The following RPGRIP1L variants were observed in gnomAD, a reference collection of about 807,000 sequenced individuals.
RPGRIP1L encodes protein fantom.
In RPGRIP1L, 131 loss-of-function variants were observed where a neutral mutation model predicts 160.4. The observed-to-expected ratio is 0.82, with a 90% confidence interval of 0.71 to 0.94. RPGRIP1L has a LOEUF of 0.94. RPGRIP1L is among the 40% of genes least tolerant of loss of function. RPGRIP1L has a pLI of 0.00. For synonymous variants in RPGRIP1L, 510 were observed against 515.8 expected (o/e 0.99, Z 0.15); for missense variants, 1,522 against 1,535.8 (o/e 0.99, Z 0.15).
At chr16:53,633,098 T>C (rs150160658) in intron 22 of RPGRIP1L, among the ~76,000 whole-genome samples, 3 of 152,346 alleles carry the variant, frequency 2.0e-5, no homozygotes, top group Non-Finnish European at 2.9e-5. Flanking sequence ...ATAACAGGCA[T>C]TCAGTAATAC....
chr16:53,619,486 C>T (rs1015861891), intron 23 of RPGRIP1L, among the ~76,000 whole-genome samples: 5 of 152,180 alleles, frequency 3.3e-5, no homozygotes, highest in African/African-American at 1.2e-4. Flanking sequence ...AGTAGTCTAT[C>T]AGGAGTGAAG....
intron 6 of RPGRIP1L, among the ~76,000 whole-genome samples, chr16:53,680,604 T>C (rs911852433): frequency 2.0e-5 from 3 of 151,954 alleles, no homozygotes; most frequent in East Asian, 1.9e-4. Flanking sequence ...ATTGGGACAA[T>C]TGGGGAAATT....
chr16:53,647,613 T>TG (rs1230441590), intron 16 of RPGRIP1L, among the ~76,000 whole-genome samples: 1 of 151,810 alleles, frequency 6.6e-6, no homozygotes, highest in African/African-American at 2.4e-5. Context: ...TATAATAGGG[T>TG]GGGGAGTGAA....
chr16:53,691,581 T>A (rs188889201), intron 4 of RPGRIP1L, among the ~76,000 whole-genome samples: 2 of 152,300 alleles, frequency 1.3e-5, no homozygotes, highest in African/African-American at 4.8e-5. Context: ...CCAGTAAGTG[T>A]AGAAATAAGG....
chr16:53,688,784 GA>G (rs1970187381), intron 4 of RPGRIP1L, among the ~76,000 whole-genome samples: 1 of 151,782 alleles, frequency 6.6e-6, no homozygotes. Context: ...TTTAAATAAA[GA>G]AAAAAGAGAA....
chr16:53,624,014 C>T (rs1335371827), intron 22 of RPGRIP1L, among the ~76,000 whole-genome samples: 2 of 152,162 alleles, frequency 1.3e-5, no homozygotes, highest in Non-Finnish European at 2.9e-5. Flanking sequence ...ATCTCAGCCC[C>T]CTGAGTAGCT....
intron 17 of RPGRIP1L, among the ~76,000 whole-genome samples, chr16:53,642,857 G>A (rs555998226): frequency 1.3e-5 from 2 of 152,262 alleles, no homozygotes; most frequent in East Asian, 1.9e-4. Context: ...CAGAGGCATC[G>A]TTAAAAACAA....
At chr16:53,665,263 T>C (rs927437228) in intron 9 of RPGRIP1L, among the ~76,000 whole-genome samples, 1 of 152,184 alleles carries the variant, frequency 6.6e-6, no homozygotes, top group African/African-American at 2.4e-5. Context: ...GTTGGCAGTA[T>C]GCAGCTTTTG....
chr16:53,668,525 G>A (rs923059467), intron 9 of RPGRIP1L, among the ~76,000 whole-genome samples: 2 of 152,148 alleles, frequency 1.3e-5, no homozygotes, highest in Admixed American at 6.5e-5. Context: ...TGGTATGGGG[G>A]CAGAGGGAGG....
chr16:53,700,492 T>C (rs1031195244), intron 2 of RPGRIP1L, 147 bp downstream of exon 2: 2 of 713,996 alleles, frequency 2.8e-6, no homozygotes, highest in Admixed American at 4.3e-5. Context: ...CCATATGTGT[T>C]CTAAACTCTC....
rs375809746 is a variant in RPGRIP1L at position 53,626,669 on chromosome 16, G to C, written c.3295-4313C>G. The stretch of plus-strand genomic sequence containing the variant: ...AAGATACAAAAATTAGCCAGGTGTG[G>C]TGGTGTGTGACTGTAATCCCGGCTA... On this transcript the variant is annotated intron_variant, in intron 22 of 26. Coordinates refer to ENST00000647211, the MANE Select transcript of RPGRIP1L (RefSeq NM_015272.5). Among the ~76,000 whole-genome samples, 22 of 152,092 alleles carry C rather than the reference G, an allele frequency of 1.4e-4. No individual in the cohort carries two copies. The East Asian group carries it at 4.1e-3, about 28-fold the overall frequency.
intron 9 of RPGRIP1L, among the ~76,000 whole-genome samples, chr16:53,671,127 C>T (rs1037262008): frequency 6.6e-6 from 1 of 151,936 alleles, no homozygotes; most frequent in Non-Finnish European, 1.5e-5. Context: ...CTTAATGTTA[C>T]TTAATTTTGC....
rs556450904 is a variant in RPGRIP1L, at chr16:53,661,319, C to A, written c.1244-2441G>T. ...TTCAAAAAAAAAAAAAAAGAATATCCAAATGTGAACAATACTTAAAAATTT... is the reference window on the plus strand; with the variant it reads ...TTCAAAAAAAAAAAAAAAGAATATCAAAATGTGAACAATACTTAAAAATTT... On this transcript the variant is annotated intron_variant, in intron 10 of 26. Coordinates refer to ENST00000647211, the MANE Select transcript of RPGRIP1L (RefSeq NM_015272.5). Among the ~76,000 whole-genome samples, 19 of 151,222 alleles carry A rather than the reference C, an allele frequency of 1.3e-4. No homozygotes were observed. The South Asian group carries it at 1.3e-3, about 10-fold the overall frequency.
In RPGRIP1L at chr16:53,619,022, T is replaced by A. The variant is rs777741542; in HGVS notation, c.3616+3A>T. The A allele has an allele frequency of 6.2e-7, 1 of 1,606,356 alleles. No individual in the cohort carries two copies. On this transcript the variant is annotated splice_donor_region_variant and intron_variant, in intron 24 of 26. Transcript: ENST00000647211. ...GTCTATATTACAAATGAATCATACA[T>A]ACCATTGCTATAGTTATAGTAGACC...
intron 6 of RPGRIP1L, 130 bp from the exon 7 acceptor site, chr16:53,675,252 A>G (rs1969065984): frequency 4.5e-6 from 3 of 667,408 alleles, no homozygotes; most frequent in Non-Finnish European, 8.0e-6. Context: ...ACATCAGTCA[A>G]TGAGGTTTTT....
chr16:53,635,085 A>C (rs551082151), intron 22 of RPGRIP1L, among the ~76,000 whole-genome samples: 256 of 152,312 alleles, frequency 1.7e-3, no homozygotes, highest in African/African-American at 6.0e-3. Flanking sequence ...TAATGAGAAA[A>C]AAATCCAGTT....
Position 53,703,813 on chromosome 16 carries a change from G to A in RPGRIP1L, c.-18C>T, listed in dbSNP as rs1039258733. The A allele has an allele frequency of 7.4e-6, 3 of 407,082 alleles. No homozygotes were observed. Among genetic ancestry groups the A allele is most frequent in the Non-Finnish European group, 1.4e-5 (3 of 215,362 alleles). The allele number at this position is 407,082 out of a possible 1,614,324, so 25.2% of individuals were successfully genotyped here. On this transcript the variant is annotated 5_prime_UTR_variant, in exon 1 of 27. Transcript: ENST00000647211. ...CTCCCGGGTACTCACCGTGCCACTG[G>A]CCCTGCAGCTAGCTACCGTTGCTAT...
At chr16:53,644,560 CAA>C (rs772116153) in intron 17 of RPGRIP1L, among the ~76,000 whole-genome samples, 3 of 152,046 alleles carry the variant, frequency 2.0e-5, no homozygotes, top group Non-Finnish European at 4.4e-5. Flanking sequence ...AAAGCCAAAA[CAA>C]ATAGAAAAAC....
chr16:53,649,750 G>A (rs1006633950), intron 15 of RPGRIP1L, among the ~76,000 whole-genome samples: 5 of 152,172 alleles, frequency 3.3e-5, no homozygotes, highest in Non-Finnish European at 7.3e-5. Flanking sequence ...TCCCAGGAGA[G>A]TAGAGCCCTG....
Sources: allele counts gnomAD v4.1 joint callset (sites outside exome capture counted in the v4.1 genomes callset), GRCh38; gene constraint gnomAD v4.1.1; transcripts MANE v1.5; gene names NCBI Gene and HGNC (gene_info 2026-07-23, HGNC 2026-07-21).